The following CRACD variants were observed in gnomAD, a reference collection of about 807,000 sequenced individuals.
CRACD encodes capping protein inhibiting regulator of actin dynamics.
A neutral mutation model predicts 106.8 loss-of-function variants in CRACD; 56 were observed. The observed-to-expected ratio is 0.52, with a 90% CI of 0.42 to 0.66. CRACD has a LOEUF of 0.66. CRACD is among the 30% of genes least tolerant of loss of function. The pLI is 0.00. For missense variants in CRACD, 1,730 were observed against 1,623.2 expected (o/e 1.07, Z -1.13); for synonymous variants, 754 against 670.8 (o/e 1.12, Z -1.92).
intron 4 of CRACD, chr4:56,301,329 A>C: frequency 1.0e-6 from 1 of 969,226 alleles, no homozygotes; most frequent in Non-Finnish European, 1.4e-6. Context: ...GCTGGTATTG[A>C]TGCTTAGTAA....
intron 1 of CRACD, among the ~76,000 whole-genome samples, chr4:56,071,510 C>CT (rs5858361): frequency 0.35 from 49,059 of 142,014 alleles, 10,019 homozygotes; most frequent in African/African-American, 0.58. Context: ...TCTTTCTTTT[C>CT]TTTTTTTTTT....
chr4:56,172,771 G>A (rs1354737353), intron 1 of CRACD, among the ~76,000 whole-genome samples: 2 of 151,946 alleles, frequency 1.3e-5, no homozygotes, highest in Admixed American at 6.6e-5. Context: ...CTACAGTTGC[G>A]TGCCACCATG....
At chr4:56,255,002 T>C (rs1417239825) in intron 2 of CRACD, among the ~76,000 whole-genome samples, 2 of 150,332 alleles carry the variant, frequency 1.3e-5, no homozygotes, top group Non-Finnish European at 2.9e-5. Context: ...TAGTCCCAGC[T>C]ACTCGGGAGA....
At chr4:56,245,598 A>G (rs1009329476) in intron 2 of CRACD, among the ~76,000 whole-genome samples, 2 of 152,196 alleles carry the variant, frequency 1.3e-5, no homozygotes, top group Admixed American at 1.3e-4. Context: ...GCTGGAGCAG[A>G]GCTTTTCTAA....
In CRACD at chr4:56,288,737, A is replaced by G. The variant is rs1743524557; in HGVS notation, c.-16-9477A>G. Reference sequence around the variant, plus strand: ...TCTATGTGGAATGGGGACTTACGGCACACCTATTTACTTTTTCAGCCGTGT... The same window carrying G: ...TCTATGTGGAATGGGGACTTACGGCGCACCTATTTACTTTTTCAGCCGTGT... On this transcript the variant is annotated intron_variant, in intron 3 of 10. Coordinates refer to ENST00000682029, the MANE Select transcript of CRACD (RefSeq NM_001393381.1). 3.3e-5 allele frequency among the ~76,000 whole-genome samples: 5 copies of G among 150,880 alleles called. 1 individual carries two copies. In the South Asian group the frequency reaches 1.0e-3, roughly 32 times the overall value.
At chr4:56,180,002 G>A (rs960814485) in intron 2 of CRACD, among the ~76,000 whole-genome samples, 3 of 151,634 alleles carry the variant, frequency 2.0e-5, no homozygotes, top group Non-Finnish European at 4.4e-5. Context: ...GGGCAATAGA[G>A]CGAGACTCTG....
chr4:56,122,141 A>G (rs58304400), intron 1 of CRACD, among the ~76,000 whole-genome samples: 5,140 of 152,144 alleles, frequency 0.034, 95 homozygotes, highest in East Asian at 0.065. Context: ...TTCTGTGAAT[A>G]TCCACTGCAC....
At chr4:56,178,280 G>A (rs531325300) in intron 1 of CRACD, among the ~76,000 whole-genome samples, 64 of 152,200 alleles carry the variant, frequency 4.2e-4, no homozygotes, top group Non-Finnish European at 7.5e-4. Flanking sequence ...TTGGACAAAA[G>A]GTCCGTTCAC....
At chr4:56,287,151 CA>C (rs1309967719) in intron 3 of CRACD, among the ~76,000 whole-genome samples, 6 of 152,168 alleles carry the variant, frequency 3.9e-5, no homozygotes, top group Non-Finnish European at 8.8e-5. Context: ...TTTTTAGAGG[CA>C]AGGCCTCTGT....
intron 1 of CRACD, among the ~76,000 whole-genome samples, chr4:56,061,430 C>T (rs1467107556): frequency 2.0e-5 from 3 of 151,660 alleles, no homozygotes; most frequent in African/African-American, 7.3e-5. Context: ...CCTTGGCCTC[C>T]CAAACTGCTG....
Position 56,279,073 on chromosome 4 carries a change from A to C in CRACD, c.-17+6581A>C, listed in dbSNP as rs56709801. ...TATAAAATATTAATGGTTTAGGGTA[A>C]TGTTTAGTTCTGATCCCATACCTTC... On this transcript the variant is annotated intron_variant, in intron 3 of 10. Coordinates refer to ENST00000682029, the MANE Select transcript of CRACD (RefSeq NM_001393381.1). Among the ~76,000 whole-genome samples the C allele has an allele frequency of 4.1e-3, 624 of 152,290 alleles. 7 individuals are homozygous for C. The highest frequency in any genetic ancestry group is 0.014 in the African/African-American group (593 of 41,544).
At position 56,324,246 on chromosome 4, in the gene CRACD, C is replaced by G. The variant is rs1211295556; in HGVS notation, c.3521C>G (p.Thr1174Ser). 1 of 1,613,878 alleles carries G rather than the reference C, an allele frequency of 6.2e-7. No homozygotes were observed. ...ERREQLKKAN[T>S]LPTSVTVEIS... ...AGAGAACAGCTGAAAAAGGCCAATA[C>G]TCTTCCTACGTCTGTGACAGGTAGA... is the stretch of plus-strand genomic sequence containing the variant. Residue 1174 changes from threonine (T) to serine (S), a missense_variant, in exon 10 of 11, where the codon ACT (threonine) becomes AGT (serine). Thr to Ser is a moderately conservative substitution (Grantham distance 58). This residue lies in a region of CRACD where 89 missense variants were observed against 89.6 expected (regional missense o/e 0.99). Transcript: ENST00000682029.
intron 2 of CRACD, among the ~76,000 whole-genome samples, chr4:56,228,690 A>G (rs1297019498): frequency 1.3e-5 from 2 of 152,052 alleles, no homozygotes; most frequent in Non-Finnish European, 2.9e-5. Context: ...TTGCGGAGAA[A>G]TCGGAGAGAA....
Position 56,049,153 on chromosome 4 carries a change from G to A in CRACD, c.-482G>A, listed in dbSNP as rs1048302124. The A allele has an allele frequency of 8.0e-5, 12 of 149,578 alleles. No homozygotes were observed. Among genetic ancestry groups the A allele is most frequent in the African/African-American group, 2.9e-4 (12 of 41,190 alleles). 9.3% of individuals were successfully genotyped at this position (149,578 alleles called of 1,614,324 possible). A position where few individuals can be genotyped will look rare whatever the true frequency, so the allele number is the denominator to read the frequency against. ...AGCAATGGAGGCCACGGCCGACTGA[G>A]AGGCGGGTGCGCTGCTGGTGCTGCT... is the stretch of plus-strand genomic sequence containing the variant. On this transcript the variant is annotated 5_prime_UTR_variant, in exon 1 of 11. Transcript: ENST00000682029.
chr4:56,232,603 C>T (rs2127195), intron 2 of CRACD, among the ~76,000 whole-genome samples: 68,340 of 151,984 alleles, frequency 0.45, 15,965 homozygotes, highest in Non-Finnish European at 0.51. Context: ...TATATAAGGT[C>T]CCCTTTTGCC....
chr4:56,060,686 C>T (rs1381781813), intron 1 of CRACD, among the ~76,000 whole-genome samples: 1 of 151,956 alleles, frequency 6.6e-6, no homozygotes, highest in East Asian at 1.9e-4. Context: ...TTTGTCTCCC[C>T]AAAATTCATA....
At chr4:56,239,154 A>G (rs1740199909) in intron 2 of CRACD, among the ~76,000 whole-genome samples, 1 of 152,048 alleles carries the variant, frequency 6.6e-6, no homozygotes, top group Non-Finnish European at 1.5e-5. Flanking sequence ...TTAGCTGGGT[A>G]TGGTGGTACG....
At chr4:56,206,365 CA>C (rs1341015896) in intron 2 of CRACD, among the ~76,000 whole-genome samples, 6 of 152,152 alleles carry the variant, frequency 3.9e-5, no homozygotes, top group Non-Finnish European at 7.3e-5. Flanking sequence ...CAGGATGAAG[CA>C]AGGGAGGAAA....
intron 1 of CRACD, among the ~76,000 whole-genome samples, chr4:56,112,978 G>C (rs1734169197): frequency 8.1e-6 from 1 of 122,704 alleles, no homozygotes. Context: ...GGTGTTTTAA[G>C]ACTTAAAAAA....
Sources: allele counts gnomAD v4.1 joint callset (sites outside exome capture counted in the v4.1 genomes callset), GRCh38; gene constraint gnomAD v4.1.1; regional missense constraint gnomAD v4.1.1; transcripts MANE v1.5; gene names NCBI Gene and HGNC (gene_info 2026-07-23, HGNC 2026-07-21).